The following SLC4A10 variants were observed in gnomAD, a reference collection of about 807,000 sequenced individuals.
SLC4A10 encodes solute carrier family 4 member 10, also known as sodium-driven chloride bicarbonate exchanger.
SLC4A10 carries 42 observed loss-of-function variants against 137.7 expected under a neutral mutation model. The observed-to-expected ratio is 0.30, with a 90% CI of 0.24 to 0.39. The LOEUF is 0.39. Ranked by LOEUF, SLC4A10 falls within the 10% of genes least tolerant of loss-of-function variation. The pLI is 1.00. For missense variants in SLC4A10, 925 were observed against 1,355.0 expected (o/e 0.68, Z 4.98); for synonymous variants, 474 against 464.1 (o/e 1.02, Z -0.27).
intron 1 of SLC4A10, among the ~76,000 whole-genome samples, chr2:161,748,574 A>G (rs1559161389): frequency 6.6e-6 from 1 of 151,952 alleles, no homozygotes; most frequent in Non-Finnish European, 1.5e-5. Flanking sequence ...TTGCTTTGTC[A>G]AAAGTCAGTT....
Position 161,983,281 on chromosome 2 carries a change from A to AAG in SLC4A10, c.*132_*133dup. ...AATTTATTTTTTACATATATATGAG[A>AAG]AGAGTGTCACAATTATTAATAAAAC... is the stretch of plus-strand genomic sequence containing the variant. On this transcript the variant is annotated 3_prime_UTR_variant, in exon 27 of 27. Transcript: ENST00000446997. 6.6e-7 allele frequency: 1 copy of AAG among 1,509,296 alleles called. No homozygotes were observed. Among genetic ancestry groups the AAG allele is most frequent in the Non-Finnish European group, 8.9e-7 (1 of 1,124,704 alleles). 93.5% of individuals were successfully genotyped at this position (1,509,296 alleles called of 1,614,324 possible).
chr2:161,663,542 A>G (rs1034475373), intron 1 of SLC4A10, among the ~76,000 whole-genome samples: 1 of 152,164 alleles, frequency 6.6e-6, no homozygotes, highest in Non-Finnish European at 1.5e-5. Context: ...CCCTTTTAAC[A>G]TACTTGAATC....
chr2:161,859,315 G>C (rs1244962101), intron 5 of SLC4A10, among the ~76,000 whole-genome samples: 2 of 66,236 alleles, frequency 3.0e-5, no homozygotes, highest in Admixed American at 2.8e-4. Context: ...TTTTTTAGAC[G>C]AAGTCTCGCT....
intron 21 of SLC4A10, among the ~76,000 whole-genome samples, chr2:161,962,837 A>G (rs941141169): frequency 1.3e-5 from 2 of 152,168 alleles, no homozygotes; most frequent in Non-Finnish European, 2.9e-5. Context: ...TTGGTAAAAC[A>G]GGGTGTTTTG....
chr2:161,760,592 A>G (rs376301097), intron 1 of SLC4A10, among the ~76,000 whole-genome samples: 1 of 152,034 alleles, frequency 6.6e-6, no homozygotes, highest in Non-Finnish European at 1.5e-5. Flanking sequence ...TTTGATACTT[A>G]TGACTAAACT....
intron 5 of SLC4A10, 88 bp downstream of exon 5, chr2:161,855,218 TTTGGAAAACTAATTCTCATAATCACTGC>T: frequency 8.0e-7 from 1 of 1,253,226 alleles, no homozygotes; most frequent in East Asian, 2.5e-5. Context: ...ACGTATGAAC[TTTGGAAAACTAATTCTCATAATCACTGC>T]ATAAGGTCTT....
At chr2:161,751,491 G>A (rs2048973805) in intron 1 of SLC4A10, among the ~76,000 whole-genome samples, 1 of 151,116 alleles carries the variant, frequency 6.6e-6, no homozygotes, top group Non-Finnish European at 1.5e-5. Context: ...TTTAAGCTGA[G>A]AAAAACTTAA....
chr2:161,827,661 G>A (rs545674146), intron 3 of SLC4A10, among the ~76,000 whole-genome samples: 4 of 151,992 alleles, frequency 2.6e-5, no homozygotes, highest in Admixed American at 2.0e-4. Flanking sequence ...CGCCTCCTGG[G>A]TTCACACCAT....
In SLC4A10 at chr2:161,872,353, G is replaced by A; in HGVS notation, c.827G>A (p.Ser276Asn). ...PACVENKNDV[S>N]RENSTVDFSK... ...TGTGTTGAAAATAAAAATGATGTTA[G>A]CAGAGAAAACAGCACTGTTGACTTT... Residue 276 changes from serine to asparagine, a missense_variant, in exon 7 of 27, where the codon AGC (serine) becomes AAC (asparagine). Around this residue, in one of 11 missense-constraint regions of SLC4A10, gnomAD observed 277 missense variants for 306.1 expected, o/e 0.90. Transcript: ENST00000446997. 2 of 1,613,550 alleles carry A rather than the reference G, an allele frequency of 1.2e-6. No individual in the cohort carries two copies. Among genetic ancestry groups the A allele is most frequent in the Non-Finnish European group, 1.7e-6 (2 of 1,179,666 alleles).
At chr2:161,904,681 C>CA (rs1009357101) in intron 13 of SLC4A10, 95 bp from the exon 14 acceptor site, 1 of 1,451,022 alleles carries the variant, frequency 6.9e-7, no homozygotes, top group Admixed American at 2.0e-5. Context: ...GGGTGAAGCA[C>CA]AAAGCACATA....
chr2:161,937,970 A>T (rs1384018503), intron 15 of SLC4A10, among the ~76,000 whole-genome samples: 1 of 152,068 alleles, frequency 6.6e-6, no homozygotes, highest in Non-Finnish European at 1.5e-5. Flanking sequence ...AGAAAAAAAA[A>T]ATCAAGCTTT....
chr2:161,761,887 C>A (rs887262037), intron 1 of SLC4A10, among the ~76,000 whole-genome samples: 5 of 152,090 alleles, frequency 3.3e-5, no homozygotes, highest in Non-Finnish European at 7.4e-5. Flanking sequence ...TGTGTGGTCC[C>A]TCAACTGGTC....
intron 2 of SLC4A10, among the ~76,000 whole-genome samples, chr2:161,796,897 C>T (rs1052105882): frequency 2.6e-5 from 4 of 152,206 alleles, no homozygotes; most frequent in African/African-American, 9.6e-5. Context: ...TAATACAAAA[C>T]TAAATCTGGA....
Position 161,890,280 on chromosome 2 carries a change from G to A in SLC4A10, c.1195-4399G>A, listed in dbSNP as rs1206839308. Reference sequence around the variant, plus strand: ...GTATATTCCGTTGATTTGGGGTGGAGAGTTCTGTAGATGTCTATTAGATCT... The same window carrying A: ...GTATATTCCGTTGATTTGGGGTGGAAAGTTCTGTAGATGTCTATTAGATCT... On this transcript the variant is annotated intron_variant, in intron 10 of 26. Transcript: ENST00000446997. Among the ~76,000 whole-genome samples, 4 of 152,156 alleles carry A rather than the reference G, an allele frequency of 2.6e-5. No individual in the cohort carries two copies. The South Asian group carries it at 8.3e-4, about 31-fold the overall frequency.
chr2:161,881,503 G>T (rs2061778642), intron 9 of SLC4A10, among the ~76,000 whole-genome samples: 1 of 152,004 alleles, frequency 6.6e-6, no homozygotes, highest in Non-Finnish European at 1.5e-5. Context: ...ACTAAATGAG[G>T]AGTAGAATTA....
chr2:161,836,879 A>G (rs1481793706), intron 3 of SLC4A10, among the ~76,000 whole-genome samples: 1 of 152,230 alleles, frequency 6.6e-6, no homozygotes. Flanking sequence ...AAGAAATATG[A>G]GGGCTAAAAG....
At chr2:161,738,253 A>G (rs1002021979) in intron 1 of SLC4A10, among the ~76,000 whole-genome samples, 4 of 152,212 alleles carry the variant, frequency 2.6e-5, no homozygotes, top group Non-Finnish European at 5.9e-5. Flanking sequence ...TAGAAGCTCT[A>G]CTTGGGATCC....
At chr2:161,801,849 C>CT (rs2055400370) in intron 2 of SLC4A10, among the ~76,000 whole-genome samples, 1 of 151,936 alleles carries the variant, frequency 6.6e-6, no homozygotes, top group Non-Finnish European at 1.5e-5. Flanking sequence ...AGATAAAGTA[C>CT]TTTTTTTAAA....
At chr2:161,805,165 C>T (rs1476535806) in intron 3 of SLC4A10, among the ~76,000 whole-genome samples, 6 of 152,080 alleles carry the variant, frequency 3.9e-5, no homozygotes, top group South Asian at 4.1e-4. Flanking sequence ...GGAAAACTCC[C>T]CCTTATAATA....
Sources: gnomAD v4.1 joint callset for allele counts (sites outside exome capture counted in the v4.1 genomes callset) on GRCh38, gnomAD v4.1.1 for gene constraint, gnomAD v4.1.1 regional missense constraint, MANE v1.5 for transcripts, NCBI Gene and HGNC (gene_info 2026-07-23, HGNC 2026-07-21) for gene names.